HPSE2: variants seen among roughly 807,000 people sequenced by gnomAD.
HPSE2 encodes the protein heparanase 2 (inactive).
A neutral mutation model predicts 60.5 loss-of-function variants in HPSE2; 38 were observed. That is an observed-to-expected ratio of 0.63 (90% CI 0.48 to 0.82). The LOEUF (loss-of-function observed/expected upper bound fraction) is 0.82. HPSE2 is among the 40% of genes least tolerant of loss of function. The pLI, the probability that HPSE2 is intolerant of heterozygous loss-of-function variation, is 0.00. For synonymous variants in HPSE2, 295 were observed against 293.2 expected (o/e 1.01, Z -0.06); for missense variants, 713 against 740.4 (o/e 0.96, Z 0.43).
rs184164163 is a variant in HPSE2, at chr10:98,931,309, T to C, written c.611-187253A>G. Among the ~76,000 whole-genome samples, 113 of 144,094 alleles carry C rather than the reference T, an allele frequency of 7.8e-4. 19 individuals are homozygous for C. Among genetic ancestry groups the C allele is most frequent in the African/African-American group, 3.1e-3 (110 of 35,536 alleles). The allele number at this position is 144,094 out of a possible 152,430, so 94.5% of individuals were successfully genotyped here. On this transcript the variant is annotated intron_variant, in intron 3 of 11. Transcript: ENST00000370552. ...GGCAGTTTTATTTCTAAGTTCTCTA[T>C]TCTGTTCCATTTGTCTATGTGCCTG...
At chr10:98,884,405 T>C (rs75250574) in intron 3 of HPSE2, among the ~76,000 whole-genome samples, 14 of 152,266 alleles carry the variant, frequency 9.2e-5, no homozygotes, top group African/African-American at 3.4e-4. Flanking sequence ...AAATGCCCTC[T>C]AGGACTTTCA....
chr10:99,235,505 T>G lies in HPSE2; in HGVS notation c.290+8A>C. 6.2e-7 allele frequency: 1 copy of G among 1,614,014 alleles called. No individual in the cohort carries two copies. The highest frequency in any genetic ancestry group is 8.5e-7 in the Non-Finnish European group (1 of 1,179,982). ...ATTTTAAATGATCCATCGAAACCCC[T>G]GCCTTACCTTAGGAAATCGAGCCAG... On this transcript the variant is annotated splice_region_variant and intron_variant, in intron 1 of 11. Coordinates refer to ENST00000370552, the MANE Select transcript of HPSE2 (RefSeq NM_021828.5).
At chr10:98,854,395 C>A (rs909816929) in intron 3 of HPSE2, among the ~76,000 whole-genome samples, 1 of 152,168 alleles carries the variant, frequency 6.6e-6, no homozygotes, top group African/African-American at 2.4e-5. Flanking sequence ...GTATCATTAG[C>A]TGTAACGTCA....
At chr10:99,016,774 T>TTGTG (rs368305392) in intron 3 of HPSE2, among the ~76,000 whole-genome samples, 6 of 151,168 alleles carry the variant, frequency 4.0e-5, no homozygotes, top group Admixed American at 4.0e-4. Flanking sequence ...CTTAGGTATT[T>TTGTG]TGTGTGTGTG....
At position 98,842,009 on chromosome 10, in the gene HPSE2, T is replaced by C. The variant is rs199702167; in HGVS notation, c.611-97953A>G. On this transcript the variant is annotated intron_variant, in intron 3 of 11. Transcript: ENST00000370552. The stretch of plus-strand genomic sequence containing the variant: ...TTTTAGTAGAGACGGGGTTTCACCA[T>C]GTTAGCCAGGATGGTCTCGATCTCC... 4.5e-4 allele frequency among the ~76,000 whole-genome samples: 68 copies of C among 152,278 alleles called. 2 individuals are homozygous for C. In the East Asian group the frequency reaches 0.012, roughly 28 times the overall value.
intron 9 of HPSE2, among the ~76,000 whole-genome samples, chr10:98,536,783 G>A (rs1016300653): frequency 4.6e-5 from 7 of 152,132 alleles, no homozygotes; most frequent in African/African-American, 1.4e-4. Flanking sequence ...TAGGCACTGG[G>A]ATTGCAGCCA....
At chr10:99,000,464 T>C (rs1324322483) in intron 3 of HPSE2, among the ~76,000 whole-genome samples, 2 of 151,632 alleles carry the variant, frequency 1.3e-5, no homozygotes, top group Non-Finnish European at 2.9e-5. Context: ...CCAAGAAAAA[T>C]TGCATAGAGT....
intron 3 of HPSE2, among the ~76,000 whole-genome samples, chr10:98,788,552 C>T (rs572712902): frequency 0.012 from 1,820 of 151,644 alleles, 26 homozygotes; most frequent in African/African-American, 0.041. Flanking sequence ...GCCTCGTTGC[C>T]GCCTTGCAGT....
intron 2 of HPSE2, among the ~76,000 whole-genome samples, chr10:99,226,723 G>A (rs1162349272): frequency 2.6e-5 from 4 of 151,948 alleles, no homozygotes; most frequent in African/African-American, 7.2e-5. Context: ...CCTCCCAGAG[G>A]TGGAGAATTT....
At chr10:98,923,875 ATATATC>A (rs1187184198) in intron 3 of HPSE2, among the ~76,000 whole-genome samples, 1 of 152,102 alleles carries the variant, frequency 6.6e-6, no homozygotes, top group Non-Finnish European at 1.5e-5. Flanking sequence ...GAAACGTCAT[ATATATC>A]TATCTCTCTG....
At chr10:98,699,094 C>T (rs916490278) in intron 5 of HPSE2, among the ~76,000 whole-genome samples, 49 of 151,986 alleles carry the variant, frequency 3.2e-4, no homozygotes, top group African/African-American at 9.2e-4. Flanking sequence ...CCTTCTGAAA[C>T]TATTCCAATC....
the HPSE2 span, among the ~76,000 whole-genome samples, chr10:99,295,218 T>C: frequency 1.3e-5 from 2 of 152,184 alleles, no homozygotes; most frequent in Admixed American, 6.5e-5. Context: ...AGTACTATAT[T>C]CTCAATTTTA....
chr10:98,942,137 A>T (rs2135157194), intron 3 of HPSE2, among the ~76,000 whole-genome samples: 1 of 138,658 alleles, frequency 7.2e-6, no homozygotes, highest in South Asian at 2.2e-4. Flanking sequence ...CTAGAAGAAA[A>T]CCTAGGCATT....
chr10:98,815,920 C>T (rs1339317170), intron 3 of HPSE2, among the ~76,000 whole-genome samples: 1 of 150,956 alleles, frequency 6.6e-6, no homozygotes. Flanking sequence ...AGCAAACTAT[C>T]GCAAGGACGA....
intron 3 of HPSE2, among the ~76,000 whole-genome samples, chr10:98,778,298 A>AG (rs1950390952): frequency 3.4e-5 from 1 of 29,352 alleles, no homozygotes; most frequent in African/African-American, 1.3e-4. Flanking sequence ...GAGAGAGAGA[A>AG]AGCAAGAAAG....
chr10:99,230,397 T>C (rs1244714967), intron 2 of HPSE2, among the ~76,000 whole-genome samples: 1 of 152,136 alleles, frequency 6.6e-6, no homozygotes, highest in Non-Finnish European at 1.5e-5. Flanking sequence ...CTATGAGTGG[T>C]GAAAAACTAC....
chr10:99,275,404 A>G, the HPSE2 span, among the ~76,000 whole-genome samples: 1 of 152,178 alleles, frequency 6.6e-6, no homozygotes, highest in African/African-American at 2.4e-5. Context: ...CCAAGGGTAC[A>G]GTGACCACAT....
intron 9 of HPSE2, among the ~76,000 whole-genome samples, chr10:98,497,078 T>C (rs1941867323): frequency 6.6e-6 from 1 of 152,098 alleles, no homozygotes; most frequent in Non-Finnish European, 1.5e-5. Context: ...TACTATTAAG[T>C]TTGCTATTTT....
intron 3 of HPSE2, among the ~76,000 whole-genome samples, chr10:98,946,563 G>A (rs1472351772): frequency 6.6e-6 from 1 of 151,888 alleles, no homozygotes; most frequent in Non-Finnish European, 1.5e-5. Context: ...GAAACAGAGT[G>A]TTGGGTATAT....
Sources: allele counts gnomAD v4.1 joint callset (sites outside exome capture counted in the v4.1 genomes callset), GRCh38; gene constraint gnomAD v4.1.1; transcripts MANE v1.5; gene names NCBI Gene and HGNC (gene_info 2026-07-23, HGNC 2026-07-21).